SIK3: variants seen among roughly 807,000 people sequenced by gnomAD.
SIK3 encodes the protein SIK family kinase 3, also known as serine/threonine-protein kinase SIK3.
A neutral mutation model predicts 144.2 loss-of-function variants in SIK3; 28 were observed. The observed-to-expected ratio is 0.19, with a 90% CI of 0.14 to 0.27. The LOEUF is 0.27. Ranked by LOEUF, SIK3 falls within the 10% of genes least tolerant of loss-of-function variation. SIK3 has a pLI of 1.00. For synonymous variants in SIK3, 686 were observed against 676.3 expected, an observed-to-expected ratio of 1.01 and a Z score of -0.22; for missense variants, 1,319 against 1,776.0, an observed-to-expected ratio of 0.74 and a Z score of 4.62.
chr11:116,968,912 C>T lies in SIK3; in HGVS notation c.274-11848G>A, dbSNP rs187984457. On this transcript the variant is annotated intron_variant, in intron 1 of 24. Coordinates refer to ENST00000445177, the MANE Select transcript of SIK3 (RefSeq NM_001366686.3). ...CCCTCTTTTATGTCTTATGACAATACTACTTTTAAGCCAATTAACATGACC... is the reference window on the plus strand; with the variant it reads ...CCCTCTTTTATGTCTTATGACAATATTACTTTTAAGCCAATTAACATGACC... 3.3e-5 allele frequency among the ~76,000 whole-genome samples: 5 copies of T among 152,198 alleles called. No individual in the cohort carries two copies. In the East Asian group the frequency reaches 9.7e-4, roughly 29 times the overall value.
chr11:116,916,512 A>AT (rs372061347), intron 4 of SIK3, among the ~76,000 whole-genome samples: 33,690 of 141,302 alleles, frequency 0.24, 4,925 homozygotes, highest in East Asian at 0.58. Flanking sequence ...ATCACATCAA[A>AT]TTTTTTTTTT....
At chr11:116,856,080 C>G (rs61907561) in intron 21 of SIK3, among the ~76,000 whole-genome samples, 4,772 of 152,056 alleles carry the variant, frequency 0.031, 101 homozygotes, top group Non-Finnish European at 0.036. Flanking sequence ...ACATGTAGTC[C>G]CAGCTACTCG....
At chr11:116,956,804 A>G in intron 2 of SIK3, 144 bp downstream of exon 2, 1 of 499,792 alleles carries the variant, frequency 2.0e-6, no homozygotes. Flanking sequence ...TGAGCGCGTA[A>G]ACAGAAGGGT....
At chr11:117,060,182 A>T (rs550769019) in intron 1 of SIK3, among the ~76,000 whole-genome samples, 2 of 152,372 alleles carry the variant, frequency 1.3e-5, no homozygotes, top group South Asian at 4.1e-4. Flanking sequence ...ATGAGCTATC[A>T]AACCATGAAA....
intron 9 of SIK3, 46 bp downstream of exon 9, chr11:116,875,820 C>G (rs978539666): frequency 6.4e-7 from 1 of 1,558,852 alleles, no homozygotes. Flanking sequence ...CCTTTACCCC[C>G]CTGGTGTTAC....
intron 2 of SIK3, among the ~76,000 whole-genome samples, chr11:116,954,625 C>G (rs1439560420): frequency 6.6e-6 from 1 of 151,932 alleles, no homozygotes; most frequent in Non-Finnish European, 1.5e-5. Context: ...AAAAAGAGAA[C>G]AGTAATTTAA....
At chr11:117,059,527 A>G (rs1199103537) in intron 1 of SIK3, among the ~76,000 whole-genome samples, 1 of 152,238 alleles carries the variant, frequency 6.6e-6, no homozygotes, top group African/African-American at 2.4e-5. Flanking sequence ...TCACAACCAG[A>G]CAGCAAGCAA....
chr11:116,854,316 T>C (rs1331426373), intron 21 of SIK3, among the ~76,000 whole-genome samples: 1 of 152,200 alleles, frequency 6.6e-6, no homozygotes, highest in Admixed American at 6.5e-5. Context: ...GAACCGTGGT[T>C]GCACCACTGC....
chr11:116,851,197 CTTT>C (rs1942405747), intron 21 of SIK3, among the ~76,000 whole-genome samples: 2 of 152,146 alleles, frequency 1.3e-5, no homozygotes, highest in Admixed American at 1.3e-4. Flanking sequence ...TGACTTCAGT[CTTT>C]AAAAGCCTGG....
intron 13 of SIK3, among the ~76,000 whole-genome samples, chr11:116,873,183 G>A (rs1006229244): frequency 6.6e-6 from 1 of 152,240 alleles, no homozygotes; most frequent in African/African-American, 2.4e-5. Context: ...GCTGCTACCT[G>A]CCCCAAGCTG....
rs752697726 is a variant in SIK3, at chr11:116,896,303, C to T, written c.815G>A (p.Arg272Gln). ...PFDGSTLQNL[R>Q]ARVLSGKFRI... The stretch of plus-strand genomic sequence containing the variant: ...GAACTTTCCACTCAGCACGCGGGCC[C>T]GCAGATTCTGCAGTGTGCTTCCATC... The change falls in exon 6 of 25, where the codon CGG (arginine) becomes CAG (glutamine). Residue 272 changes from arginine to glutamine, a missense_variant. Around this residue, in one of 8 missense-constraint regions of SIK3, gnomAD observed 125 missense variants for 285.2 expected, o/e 0.44. Coordinates refer to ENST00000445177, the MANE Select transcript of SIK3 (RefSeq NM_001366686.3). 11 of 1,613,968 alleles carry T rather than the reference C, an allele frequency of 6.8e-6. No individual in the cohort carries two copies. Among genetic ancestry groups the T allele is most frequent in the Non-Finnish European group, 5.9e-6 (7 of 1,179,884 alleles).
At chr11:117,012,827 G>GTT (rs397940864) in intron 1 of SIK3, among the ~76,000 whole-genome samples, 9,148 of 133,764 alleles carry the variant, frequency 0.068, 393 homozygotes, top group African/African-American at 0.11. Flanking sequence ...AATTCTTAGG[G>GTT]TTTTTTTTTT....
rs143188291 is a variant in SIK3, at chr11:116,941,695, A to C, written c.454+12349T>G. Reference sequence around the variant, plus strand: ...TAAGACACTGAGAATGTTCATAATAAATCATACACATTTCAACAGACTCCT... The same window carrying C: ...TAAGACACTGAGAATGTTCATAATACATCATACACATTTCAACAGACTCCT... On this transcript the variant is annotated intron_variant, in intron 3 of 24. Transcript: ENST00000445177. Among the ~76,000 whole-genome samples the C allele has an allele frequency of 1.4e-3, 218 of 152,300 alleles. 1 individual carries two copies. The highest frequency in any genetic ancestry group is 4.7e-3 in the African/African-American group (197 of 41,558).
chr11:116,879,291 T>G (rs1323113157), intron 6 of SIK3, among the ~76,000 whole-genome samples: 1 of 152,218 alleles, frequency 6.6e-6, no homozygotes, highest in Middle Eastern at 3.2e-3. Flanking sequence ...AGTAAGACAT[T>G]ATTACAAAAA....
chr11:116,874,677 A>G (rs1459172155), intron 11 of SIK3, among the ~76,000 whole-genome samples: 1 of 152,356 alleles, frequency 6.6e-6, no homozygotes, highest in East Asian at 1.9e-4. Flanking sequence ...ATCAGCAGGC[A>G]TGGGAGTCTT....
intron 13 of SIK3, 130 bp downstream of exon 13, chr11:116,873,351 G>A: frequency 8.0e-7 from 1 of 1,245,984 alleles, no homozygotes; most frequent in South Asian, 1.3e-5. Context: ...AAAATGGGCT[G>A]GAGCATCCTA....
chr11:116,869,973 T>A (rs1165063482), intron 14 of SIK3: 1 of 597,866 alleles, frequency 1.7e-6, no homozygotes, highest in African/African-American at 1.9e-5. Flanking sequence ...ATCCCACATC[T>A]CCAATTCCTT....
In SIK3 at chr11:116,859,417, G is replaced by A. The variant is rs1367041646; in HGVS notation, c.2613C>T (p.Gly871=). The stretch of plus-strand genomic sequence containing the variant: ...CGCGCCCACTGGAGCCTGCAGCTGT[G>A]CCTGGCATGTTGCTGAGCATGTCAA... The part of the protein sequence containing the change: ...EPVDMLSNMP[G]TAAGSSGRGI... Residue 871 remains glycine, a synonymous_variant, in exon 20 of 25, where the codon GGC becomes GGT. Transcript: ENST00000445177. 2 of 1,614,234 alleles carry A rather than the reference G, an allele frequency of 1.2e-6. No homozygotes were observed. Among genetic ancestry groups the A allele is most frequent in the Admixed American group, 1.7e-5 (1 of 60,030 alleles).
At chr11:117,058,524 A>AAG (rs1953648946) in intron 1 of SIK3, among the ~76,000 whole-genome samples, 1 of 151,866 alleles carries the variant, frequency 6.6e-6, no homozygotes, top group Non-Finnish European at 1.5e-5. Context: ...CATCTCAAAA[A>AAG]AAAAAAAAAA....
Sources: allele counts gnomAD v4.1 joint callset (sites outside exome capture counted in the v4.1 genomes callset), GRCh38; gene constraint gnomAD v4.1.1; regional missense constraint gnomAD v4.1.1; transcripts MANE v1.5; gene names NCBI Gene and HGNC (gene_info 2026-07-23, HGNC 2026-07-21).